The following SGCG variants were observed in gnomAD, a reference collection of about 807,000 sequenced individuals.
SGCG encodes the protein sarcoglycan gamma.
In SGCG, 26 loss-of-function variants were observed where a neutral mutation model predicts 29.3. The ratio of observed to expected loss-of-function variants is 0.89; its 90% confidence interval spans 0.65 to 1.23. SGCG has a LOEUF of 1.23. Ranked by LOEUF, SGCG falls within the 50% of genes most tolerant of loss-of-function variation. The pLI, the probability that SGCG is intolerant of heterozygous loss-of-function variation, is 0.00. For missense variants in SGCG, 353 were observed against 356.0 expected (o/e 0.99, Z 0.07); for synonymous variants, 145 against 129.7 (o/e 1.12, Z -0.80).
intron 6 of SGCG, among the ~76,000 whole-genome samples, chr13:23,305,613 A>G (rs533106727): frequency 6.6e-6 from 1 of 152,356 alleles, no homozygotes; most frequent in South Asian, 2.1e-4. Context: ...GTCAAAGTGG[A>G]AATGCCTCTG....
rs1882043329 is a variant in SGCG, at chr13:23,299,432, ATATATATATATATATATATATATATTTT to A, written c.578+3947_578+3974del. Among the ~76,000 whole-genome samples, 21 of 12,994 alleles carry A rather than the reference ATATATATATATATATATATATATATTTT, an allele frequency of 1.6e-3. 10 individuals are homozygous for A. Among genetic ancestry groups the A allele is most frequent in the Admixed American group, 0.014 (19 of 1,334 alleles). The allele number at this position is 12,994 out of a possible 152,430, so 8.5% of individuals were successfully genotyped here. A position where few individuals can be genotyped will look rare whatever the true frequency, so the allele number is the denominator to read the frequency against. On this transcript the variant is annotated intron_variant, in intron 6 of 7. Coordinates refer to ENST00000218867, the MANE Select transcript of SGCG (RefSeq NM_000231.3). Reference sequence around the variant, plus strand: ...CATATATATATATATATATATATATATATATATATATATATATATATATATTTTTTTTTTTTTTTTAGTCGGAGTCTCA... The same window carrying A: ...CATATATATATATATATATATATATATTTTTTTTTTTTAGTCGGAGTCTCA...
At chr13:23,169,547 TG>T in the SGCG span, among the ~76,000 whole-genome samples, 1 of 151,846 alleles carries the variant, frequency 6.6e-6, no homozygotes, top group Non-Finnish European at 1.5e-5. Flanking sequence ...GGCATAGTGG[TG>T]CATGCCTGTA....
intron 2 of SGCG, among the ~76,000 whole-genome samples, chr13:23,213,727 A>G (rs1313033109): frequency 6.6e-6 from 1 of 151,884 alleles, no homozygotes; most frequent in African/African-American, 2.4e-5. Flanking sequence ...ACTGTCTATC[A>G]TATTTTTAGT....
intron 6 of SGCG, among the ~76,000 whole-genome samples, chr13:23,299,409 T>C (rs1344623379): frequency 4.0e-4 from 14 of 34,892 alleles, no homozygotes; most frequent in African/African-American, 1.7e-3. Flanking sequence ...TTAGTTGGCA[T>C]ATATATATAT....
At chr13:23,229,119 G>C (rs1224992505) in intron 2 of SGCG, among the ~76,000 whole-genome samples, 1 of 152,020 alleles carries the variant, frequency 6.6e-6, no homozygotes, top group Non-Finnish European at 1.5e-5. Context: ...ATCCACCTGC[G>C]TTGGCCTCCC....
the SGCG span, among the ~76,000 whole-genome samples, chr13:23,164,547 C>T: frequency 6.6e-6 from 1 of 152,152 alleles, no homozygotes; most frequent in African/African-American, 2.4e-5. Context: ...TCCTTTGGCT[C>T]ATGGTTCTGC....
intron 5 of SGCG, among the ~76,000 whole-genome samples, chr13:23,280,234 A>C (rs1881257561): frequency 6.6e-6 from 1 of 152,216 alleles, no homozygotes; most frequent in Non-Finnish European, 1.5e-5. Flanking sequence ...GACTGAGAAG[A>C]GAAAATTTTA....
intron 4 of SGCG, among the ~76,000 whole-genome samples, chr13:23,274,723 G>A (rs1881006206): frequency 6.6e-6 from 1 of 152,128 alleles, no homozygotes. Context: ...TGCCCGGTCT[G>A]TGTGGAATTT....
intron 3 of SGCG, 117 bp from the exon 4 acceptor site, chr13:23,250,513 C>T (rs1879919622): frequency 1.5e-6 from 1 of 666,542 alleles, no homozygotes; most frequent in Non-Finnish European, 2.7e-6. Context: ...ATAGGATTTC[C>T]AGGATCTGTA....
At chr13:23,216,328 G>A (rs1195655481) in intron 2 of SGCG, among the ~76,000 whole-genome samples, 1 of 152,052 alleles carries the variant, frequency 6.6e-6, no homozygotes, top group African/African-American at 2.4e-5. Context: ...AGTGCCATAT[G>A]TATAATTTGG....
At chr13:23,187,367 G>A (rs1206504581) in intron 1 of SGCG, among the ~76,000 whole-genome samples, 3 of 152,152 alleles carry the variant, frequency 2.0e-5, no homozygotes, top group Admixed American at 6.5e-5. Context: ...TTCCACCCAA[G>A]CCATTCACCA....
intron 4 of SGCG, among the ~76,000 whole-genome samples, chr13:23,258,916 A>G (rs1233507211): frequency 6.6e-6 from 1 of 152,156 alleles, no homozygotes; most frequent in Non-Finnish European, 1.5e-5. Flanking sequence ...CTTGGTGGCT[A>G]AGCTTTTTGA....
chr13:23,207,266 T>C lies in SGCG; in HGVS notation c.195+3377T>C, dbSNP rs145386225. Among the ~76,000 whole-genome samples, 163 of 152,324 alleles carry C rather than the reference T, an allele frequency of 1.1e-3. 2 individuals are homozygous for C. Among genetic ancestry groups the C allele is most frequent in the East Asian group, 9.1e-3 (47 of 5,184 alleles). On this transcript the variant is annotated intron_variant, in intron 2 of 7. Transcript: ENST00000218867. ...GTGCTGGGAAAACTGGATTTTCACATGCAAAAGAATGAATTTGGACCCTTA... is the reference window on the plus strand; with the variant it reads ...GTGCTGGGAAAACTGGATTTTCACACGCAAAAGAATGAATTTGGACCCTTA...
At chr13:23,213,400 T>C (rs1878308281) in intron 2 of SGCG, among the ~76,000 whole-genome samples, 2 of 152,294 alleles carry the variant, frequency 1.3e-5, no homozygotes, top group Non-Finnish European at 2.9e-5. Context: ...GAGAATCACT[T>C]GAACCCAGAA....
intron 4 of SGCG, chr13:23,268,237 C>T (rs1880717257): frequency 6.6e-6 from 1 of 152,110 alleles, no homozygotes; most frequent in Admixed American, 6.6e-5. Context: ...AGTAGGTGGC[C>T]AACAATTCTG....
At chr13:23,308,662 T>G (rs1360543145) in intron 6 of SGCG, among the ~76,000 whole-genome samples, 1 of 152,138 alleles carries the variant, frequency 6.6e-6, no homozygotes, top group Non-Finnish European at 1.5e-5. Context: ...CCTCCTGGGT[T>G]TAAGTGATTC....
rs71100165 is a variant in SGCG at position 23,276,431 on chromosome 13, C to CTTTTTTTTTTTTTTTTTTTTTTTTTTT, written c.386-2909_386-2908insTTTTTTTTTTTTTTTTTTTTTTTTTTT. Among the ~76,000 whole-genome samples the CTTTTTTTTTTTTTTTTTTTTTTTTTTT allele has an allele frequency of 2.9e-5, 3 of 102,384 alleles. 1 individual carries two copies. Among genetic ancestry groups the CTTTTTTTTTTTTTTTTTTTTTTTTTTT allele is most frequent in the Admixed American group, 1.3e-4 (1 of 7,654 alleles). The allele number at this position is 102,384 out of a possible 152,430, so 67.2% of individuals were successfully genotyped here. A position where few individuals can be genotyped will look rare whatever the true frequency, so the allele number is the denominator to read the frequency against. ...CATGAACGCTTTCTTTTTTAGTTTT[C>CTTTTTTTTTTTTTTTTTTTTTTTTTTT]TTTTTTTTTTTTTTTTTTTGAGACA... On this transcript the variant is annotated intron_variant, in intron 4 of 7. Coordinates refer to ENST00000218867, the MANE Select transcript of SGCG (RefSeq NM_000231.3).
chr13:23,175,160 A>T, the SGCG span, among the ~76,000 whole-genome samples: 2 of 152,214 alleles, frequency 1.3e-5, no homozygotes, highest in Admixed American at 1.3e-4. Context: ...CAGGATGAAA[A>T]CCTGCGTGAA....
intron 5 of SGCG, among the ~76,000 whole-genome samples, chr13:23,282,249 C>T (rs1461245988): frequency 3.3e-5 from 5 of 152,110 alleles, no homozygotes; most frequent in South Asian, 2.1e-4. Context: ...TTTGATGGTT[C>T]GCTTCTTGTT....
Sources: allele counts gnomAD v4.1 joint callset (sites outside exome capture counted in the v4.1 genomes callset), GRCh38; gene constraint gnomAD v4.1.1; transcripts MANE v1.5; gene names NCBI Gene and HGNC (gene_info 2026-07-23, HGNC 2026-07-21).